The following PTPRO variants were observed in gnomAD, a reference collection of about 807,000 sequenced individuals.
PTPRO encodes the protein protein tyrosine phosphatase receptor type O, also known as receptor-type tyrosine-protein phosphatase O.
In PTPRO, 62 loss-of-function variants were observed where a neutral mutation model predicts 145.2. The observed-to-expected ratio is 0.43, with a 90% CI of 0.35 to 0.53. The LOEUF (loss-of-function observed/expected upper bound fraction) is 0.53, where lower values mean the gene tolerates loss of function less well. PTPRO is among the 20% of genes least tolerant of loss of function. The pLI is 0.01. For missense variants in PTPRO, 1,345 were observed against 1,482.7 expected, an observed-to-expected ratio of 0.91 and a Z score of 1.53; for synonymous variants, 565 against 514.7, an observed-to-expected ratio of 1.10 and a Z score of -1.32.
At chr12:15,585,473 A>G (rs957784474) in intron 23 of PTPRO, among the ~76,000 whole-genome samples, 2 of 152,212 alleles carry the variant, frequency 1.3e-5, no homozygotes, top group Non-Finnish European at 2.9e-5. Flanking sequence ...CTGGGGATAT[A>G]TTAGGTGCCA....
At chr12:15,584,560 A>G (rs2135658685) in intron 23 of PTPRO, among the ~76,000 whole-genome samples, 1 of 152,312 alleles carries the variant, frequency 6.6e-6, no homozygotes, top group Non-Finnish European at 1.5e-5. Flanking sequence ...GACTTGAAAA[A>G]TAGGAATAAA....
chr12:15,439,221 C>T (rs536995159), intron 1 of PTPRO, among the ~76,000 whole-genome samples: 2 of 152,164 alleles, frequency 1.3e-5, no homozygotes, highest in South Asian at 4.2e-4. Context: ...ACAAACAAGT[C>T]CTAGGGGAAT....
chr12:15,557,244 T>G (rs1428678987), intron 15 of PTPRO, among the ~76,000 whole-genome samples: 1 of 152,160 alleles, frequency 6.6e-6, no homozygotes, highest in Non-Finnish European at 1.5e-5. Flanking sequence ...TTTCGCCATG[T>G]TGGCGAAACT....
chr12:15,413,770 G>C (rs148555123), intron 1 of PTPRO, among the ~76,000 whole-genome samples: 2,135 of 152,190 alleles, frequency 0.014, 58 homozygotes, highest in African/African-American at 0.049. Context: ...AGCCAAGATC[G>C]TGCTACGGCG....
intron 9 of PTPRO, chr12:15,517,164 C>T (rs113786483): frequency 1.8e-5 from 11 of 618,570 alleles, no homozygotes; most frequent in African/African-American, 1.3e-4. Flanking sequence ...TACAGTTCCA[C>T]GTGGCTGGGG....
At chr12:15,468,466 A>G (rs1941466682) in intron 1 of PTPRO, among the ~76,000 whole-genome samples, 2 of 152,166 alleles carry the variant, frequency 1.3e-5, no homozygotes. Flanking sequence ...TCCAGCACCC[A>G]GGCCTTCACA....
chr12:15,435,241 G>A (rs1381322475), intron 1 of PTPRO, among the ~76,000 whole-genome samples: 1 of 152,148 alleles, frequency 6.6e-6, no homozygotes, highest in African/African-American at 2.4e-5. Flanking sequence ...TCAAAAGTAT[G>A]TGAAATTATT....
At chr12:15,588,080 G>A (rs189748898) in intron 24 of PTPRO, among the ~76,000 whole-genome samples, 81 of 152,296 alleles carry the variant, frequency 5.3e-4, no homozygotes, top group African/African-American at 1.8e-3. Flanking sequence ...TGCTTTAGCA[G>A]GTAAGATTAT....
intron 2 of PTPRO, among the ~76,000 whole-genome samples, chr12:15,494,554 A>G (rs1942062831): frequency 1.3e-5 from 2 of 152,242 alleles, no homozygotes. Context: ...CTCCTCAGTG[A>G]TGCTTAGACA....
In PTPRO at chr12:15,515,645, A is replaced by T. The variant is rs573665503; in HGVS notation, c.1585+27A>T. On this transcript the variant is annotated intron_variant, in intron 8 of 26. Coordinates refer to ENST00000281171, the MANE Select transcript of PTPRO (RefSeq NM_030667.3). ...TAAGTTGCTAGCCACAAGAAGAATG[A>T]CTGACCTATATATTAGGGTATTGAC... is the stretch of plus-strand genomic sequence containing the variant. 4 of 1,613,688 alleles carry T rather than the reference A, an allele frequency of 2.5e-6. No homozygotes were observed. The South Asian group carries it at 4.4e-5, about 18-fold the overall frequency.
chr12:15,583,166 T>C (rs1036759590), intron 23 of PTPRO, among the ~76,000 whole-genome samples: 10 of 152,170 alleles, frequency 6.6e-5, no homozygotes, highest in Non-Finnish European at 1.3e-4. Context: ...GAGCTAAGAA[T>C]GGTTTTTACA....
chr12:15,362,057 T>C (rs1424747683), intron 1 of PTPRO, among the ~76,000 whole-genome samples: 1 of 152,174 alleles, frequency 6.6e-6, no homozygotes, highest in Non-Finnish European at 1.5e-5. Flanking sequence ...GAATAAATTC[T>C]CCTCCTTCTC....
At position 15,380,940 on chromosome 12, in the gene PTPRO, A is replaced by G. The variant is rs557172087; in HGVS notation, c.75+58139A>G. Reference sequence around the variant, plus strand: ...TTTTTTAAAGAAGGAGACATACTATATAGAATAGCAGTATAAAAGAATATA... The same window carrying G: ...TTTTTTAAAGAAGGAGACATACTATGTAGAATAGCAGTATAAAAGAATATA... On this transcript the variant is annotated intron_variant, in intron 1 of 26. Transcript: ENST00000281171. Among the ~76,000 whole-genome samples, 3 of 152,170 alleles carry G rather than the reference A, an allele frequency of 2.0e-5. No homozygotes were observed. In the South Asian group the frequency reaches 6.2e-4, roughly 32 times the overall value.
chr12:15,527,428 C>T (rs1942864147), intron 12 of PTPRO, among the ~76,000 whole-genome samples: 1 of 152,142 alleles, frequency 6.6e-6, no homozygotes, highest in Non-Finnish European at 1.5e-5. Context: ...ATCGTGACTG[C>T]CTGAAGGGAG....
chr12:15,461,376 A>G (rs150997217), intron 1 of PTPRO, among the ~76,000 whole-genome samples: 40 of 152,230 alleles, frequency 2.6e-4, no homozygotes, highest in African/African-American at 4.3e-4. Context: ...GTATAAACCA[A>G]GGTGAACCAC....
chr12:15,371,335 C>A (rs903220060), intron 1 of PTPRO, among the ~76,000 whole-genome samples: 1 of 151,682 alleles, frequency 6.6e-6, no homozygotes, highest in Non-Finnish European at 1.5e-5. Flanking sequence ...TGGGTTCAAG[C>A]AATTCTCTGC....
intron 1 of PTPRO, among the ~76,000 whole-genome samples, chr12:15,471,965 G>A (rs761541571): frequency 6.6e-6 from 1 of 152,148 alleles, no homozygotes; most frequent in East Asian, 1.9e-4. Flanking sequence ...AGGTGGAAAA[G>A]GTACCCTGGT....
At chr12:15,375,112 C>G (rs984660596) in intron 1 of PTPRO, among the ~76,000 whole-genome samples, 1 of 152,120 alleles carries the variant, frequency 6.6e-6, no homozygotes. Flanking sequence ...CAGTTGTTGC[C>G]CAATAGAGTA....
At chr12:15,425,000 C>T (rs1478310549) in intron 1 of PTPRO, among the ~76,000 whole-genome samples, 2 of 152,034 alleles carry the variant, frequency 1.3e-5, no homozygotes, top group African/African-American at 4.8e-5. Flanking sequence ...TGTGTTTTCC[C>T]GATGGTCAGA....
Sources: gnomAD v4.1 joint callset for allele counts (sites outside exome capture counted in the v4.1 genomes callset) on GRCh38, gnomAD v4.1.1 for gene constraint, MANE v1.5 for transcripts, NCBI Gene and HGNC (gene_info 2026-07-23, HGNC 2026-07-21) for gene names.